The following KIAA1328 variants were observed in gnomAD, a reference collection of about 807,000 sequenced individuals.
The protein encoded by KIAA1328 is KIAA1328.
Under a neutral mutation model 68.1 loss-of-function variants are expected in KIAA1328, and 52 were observed. That is an observed-to-expected ratio of 0.76 (90% CI 0.61 to 0.96). The LOEUF is 0.96. Among genes scored for constraint, KIAA1328 ranks in the 40% least tolerant of loss-of-function variants. KIAA1328 has a pLI of 0.00. For synonymous variants in KIAA1328, 232 were observed against 239.4 expected, an observed-to-expected ratio of 0.97 and a Z score of 0.28; for missense variants, 641 against 677.6, an observed-to-expected ratio of 0.95 and a Z score of 0.60.
chr18:37,211,829 T>A (rs2154220324), intron 9 of KIAA1328, among the ~76,000 whole-genome samples: 1 of 152,344 alleles, frequency 6.6e-6, no homozygotes, highest in Middle Eastern at 3.4e-3. Flanking sequence ...ATTGTATCAG[T>A]CTTTAAACTA....
At chr18:37,095,415 A>G (rs2057377041) in intron 7 of KIAA1328, among the ~76,000 whole-genome samples, 1 of 152,226 alleles carries the variant, frequency 6.6e-6, no homozygotes, top group South Asian at 2.1e-4. Flanking sequence ...CTAGAAGTCA[A>G]TAACAAGAGG....
intron 7 of KIAA1328, among the ~76,000 whole-genome samples, chr18:37,154,175 A>G (rs1265665128): frequency 6.6e-6 from 1 of 152,194 alleles, no homozygotes; most frequent in Non-Finnish European, 1.5e-5. Context: ...AGGAGAGGAG[A>G]GTGAGAGAGG....
At chr18:37,039,702 C>T (rs1434636935) in intron 6 of KIAA1328, among the ~76,000 whole-genome samples, 1 of 152,118 alleles carries the variant, frequency 6.6e-6, no homozygotes, top group Non-Finnish European at 1.5e-5. Flanking sequence ...TCAGCCACCA[C>T]ACCCTGCCTG....
At chr18:37,067,748 C>T (rs568373190) in intron 7 of KIAA1328, among the ~76,000 whole-genome samples, 17 of 151,954 alleles carry the variant, frequency 1.1e-4, no homozygotes, top group Middle Eastern at 3.4e-3. Flanking sequence ...TTAGTAGAGA[C>T]GGGGTTTCAC....
At chr18:37,143,647 G>A (rs1286814259) in intron 7 of KIAA1328, among the ~76,000 whole-genome samples, 3 of 148,634 alleles carry the variant, frequency 2.0e-5, no homozygotes, top group Non-Finnish European at 4.4e-5. Context: ...TAATTAACCA[G>A]TAAGTAAAAT....
At position 36,979,988 on chromosome 18, in the gene KIAA1328, A is replaced by G. The variant is rs2151367522; in HGVS notation, c.576+20553A>G. On this transcript the variant is annotated intron_variant, in intron 6 of 9. Transcript: ENST00000280020. Reference sequence around the variant, plus strand: ...CCGTCATGAACAGAGTAATGCTGTTATAAAAAGAACTTGAAGGAGTGGGTT... The same window carrying G: ...CCGTCATGAACAGAGTAATGCTGTTGTAAAAAGAACTTGAAGGAGTGGGTT... 2.0e-5 allele frequency among the ~76,000 whole-genome samples: 3 copies of G among 152,276 alleles called. No individual in the cohort carries two copies. In the South Asian group the frequency reaches 6.2e-4, roughly 32 times the overall value.
At chr18:36,870,858 T>C (rs1415344872) in intron 4 of KIAA1328, among the ~76,000 whole-genome samples, 1 of 152,252 alleles carries the variant, frequency 6.6e-6, no homozygotes, top group East Asian at 1.9e-4. Flanking sequence ...TTTTGTAGAA[T>C]GTTCTTTAAT....
At chr18:37,203,595 A>G (rs1413269142) in intron 9 of KIAA1328, among the ~76,000 whole-genome samples, 10 of 152,176 alleles carry the variant, frequency 6.6e-5, no homozygotes, top group Admixed American at 1.3e-4. Flanking sequence ...GAAGTATGCA[A>G]TTTTAATGTT....
At chr18:37,042,036 A>G (rs1309527594) in intron 6 of KIAA1328, among the ~76,000 whole-genome samples, 2 of 151,996 alleles carry the variant, frequency 1.3e-5, no homozygotes, top group Non-Finnish European at 2.9e-5. Context: ...ATGCACCACC[A>G]CACCTACCTA....
intron 6 of KIAA1328, among the ~76,000 whole-genome samples, chr18:36,968,242 T>C (rs532997562): frequency 6.6e-6 from 1 of 152,256 alleles, no homozygotes; most frequent in South Asian, 2.1e-4. Context: ...AACAACATGA[T>C]GACAGGATCA....
intron 9 of KIAA1328, 119 bp downstream of exon 9, chr18:37,173,200 G>T (rs1315593977): frequency 5.6e-6 from 4 of 712,562 alleles, no homozygotes; most frequent in Non-Finnish European, 6.7e-6. Flanking sequence ...CTCAAGAGAG[G>T]TCCTTCTTTT....
At chr18:37,035,329 C>A (rs558876017) in intron 6 of KIAA1328, among the ~76,000 whole-genome samples, 3 of 152,290 alleles carry the variant, frequency 2.0e-5, no homozygotes, top group African/African-American at 7.2e-5. Flanking sequence ...ATCCTCAGGC[C>A]CTACTCCATA....
chr18:37,058,868 G>T (rs1414966097), intron 6 of KIAA1328, among the ~76,000 whole-genome samples: 1 of 152,012 alleles, frequency 6.6e-6, no homozygotes, highest in Non-Finnish European at 1.5e-5. Context: ...GGTACTAACT[G>T]TGTGGGGCCA....
At chr18:37,061,019 G>A (rs956766181) in intron 6 of KIAA1328, among the ~76,000 whole-genome samples, 1 of 152,220 alleles carries the variant, frequency 6.6e-6, no homozygotes, top group African/African-American at 2.4e-5. Context: ...GGAGGCTGAA[G>A]CAGGAGAACC....
At chr18:36,937,519 A>G (rs533227631) in intron 5 of KIAA1328, among the ~76,000 whole-genome samples, 1 of 152,324 alleles carries the variant, frequency 6.6e-6, no homozygotes, top group Non-Finnish European at 1.5e-5. Context: ...ACAAGAAAAA[A>G]ATCAACCCAT....
chr18:36,868,494 C>A (rs530909789), intron 4 of KIAA1328, among the ~76,000 whole-genome samples: 1 of 152,158 alleles, frequency 6.6e-6, no homozygotes, highest in South Asian at 2.1e-4. Context: ...TGCTGAAAGA[C>A]GCTGATAATT....
At chr18:37,114,301 C>T (rs2058036811) in intron 7 of KIAA1328, among the ~76,000 whole-genome samples, 1 of 152,160 alleles carries the variant, frequency 6.6e-6, no homozygotes, top group Non-Finnish European at 1.5e-5. Flanking sequence ...GAAAGTATAA[C>T]AAACTGTCTC....
intron 6 of KIAA1328, among the ~76,000 whole-genome samples, chr18:37,028,693 G>A (rs2054697405): frequency 6.6e-6 from 1 of 152,002 alleles, no homozygotes; most frequent in African/African-American, 2.4e-5. Context: ...TTTGAAGTGT[G>A]TTCCTTCAAT....
intron 6 of KIAA1328, among the ~76,000 whole-genome samples, chr18:36,964,704 G>A (rs2051841794): frequency 6.6e-6 from 1 of 152,022 alleles, no homozygotes; most frequent in South Asian, 2.1e-4. Flanking sequence ...TTCTAGAGAG[G>A]TTCTTCACTT....
Sources: gnomAD v4.1 joint callset for allele counts (sites outside exome capture counted in the v4.1 genomes callset) on GRCh38, gnomAD v4.1.1 for gene constraint, MANE v1.5 for transcripts, NCBI Gene and HGNC (gene_info 2026-07-23, HGNC 2026-07-21) for gene names.